Variants in POLA1 observed in about 807,000 individuals in gnomAD.
POLA1 encodes DNA polymerase alpha 1, catalytic subunit, also known as DNA polymerase alpha catalytic subunit.
POLA1 carries 15 observed loss-of-function variants against 124.0 expected under a neutral mutation model. That is an observed-to-expected ratio of 0.12 (90% confidence interval 0.08 to 0.19). POLA1 has a LOEUF of 0.19. Among genes scored for constraint, POLA1 ranks in the 10% least tolerant of loss-of-function variants. POLA1 has a pLI of 1.00. For synonymous variants in POLA1, 408 were observed against 389.4 expected (o/e 1.05, Z -0.56); for missense variants, 886 against 1,103.4 (o/e 0.80, Z 2.79).
chrX:24,933,262 G>A (rs1482272200), intron 36 of POLA1, among the ~76,000 whole-genome samples: 1 of 111,617 alleles, frequency 9.0e-6, no homozygotes, highest in Non-Finnish European at 1.9e-5. Context: ...GTAGAGAGGA[G>A]AACAATTATA....
chrX:24,928,079 G>A (rs978012475), intron 35 of POLA1, among the ~76,000 whole-genome samples: 5 of 111,996 alleles, frequency 4.5e-5, no homozygotes, highest in African/African-American at 1.6e-4. Flanking sequence ...ATGTAATAGG[G>A]CCTTTTGTTT....
intron 35 of POLA1, among the ~76,000 whole-genome samples, chrX:24,920,102 C>G (rs1285951391): frequency 9.1e-6 from 1 of 110,009 alleles, no homozygotes; most frequent in Non-Finnish European, 1.9e-5. Context: ...CCGCCTTGGC[C>G]TCCCAAAGTG....
intron 35 of POLA1, among the ~76,000 whole-genome samples, chrX:24,910,118 A>T (rs1355652718): frequency 9.5e-6 from 1 of 105,761 alleles, no homozygotes; most frequent in Non-Finnish European, 2.0e-5. Flanking sequence ...GTTGCTTATC[A>T]GCTTAAGGAG....
rs761318896 is a variant in POLA1 at position 24,699,466 on chromosome X, C to G, written c.85C>G (p.Arg29Gly). The part of the protein sequence containing the change: ...SGSFVSSRAR[R>G]EKKSKKGRQE... ...GAGTTTTGTATCTTCTCGAGCCCGGCGAGAAAAAAAATCAAAGAAGGGGCG... is the reference window on the plus strand; with the variant it reads ...GAGTTTTGTATCTTCTCGAGCCCGGGGAGAAAAAAAATCAAAGAAGGGGCG... Residue 29 changes from arginine (R) to glycine (G), a missense_variant, in exon 2 of 37, where the codon CGA (arginine) becomes GGA (glycine). By Grantham distance (125) the Arg-to-Gly change is moderately radical. Transcript: ENST00000379068. 1.7e-6 allele frequency: 2 copies of G among 1,173,869 alleles called. No individual in the cohort carries two copies. Among genetic ancestry groups the G allele is most frequent in the East Asian group, 3.0e-5 (1 of 33,028 alleles).
Position 24,741,236 on chromosome X carries a change from A to G in POLA1, c.2217-139A>G, listed in dbSNP as rs1931638312. ...CTAGTTACATACTGACCTTATTTTA[A>G]ATTGTTTCTGAAGCCAAGGTGCTGT... On this transcript the variant is annotated intron_variant, in intron 20 of 36. Transcript: ENST00000379068. The G allele has an allele frequency of 9.5e-6, 4 of 422,698 alleles. No individual in the cohort carries two copies. In the South Asian group the frequency reaches 1.7e-4, roughly 18 times the overall value. The allele number at this position is 422,698 out of a possible 1,213,427, so 34.8% of individuals were successfully genotyped here. A position where few individuals can be genotyped will look rare whatever the true frequency, so the allele number is the denominator to read the frequency against.
At chrX:24,754,432 T>C (rs1299716927) in intron 26 of POLA1, among the ~76,000 whole-genome samples, 1 of 110,059 alleles carries the variant, frequency 9.1e-6, no homozygotes, top group Non-Finnish European at 1.9e-5. Flanking sequence ...TAATTTTGTA[T>C]TTTTAATAGA....
chrX:24,760,846 T>G (rs944444090), intron 26 of POLA1, among the ~76,000 whole-genome samples: 2 of 111,926 alleles, frequency 1.8e-5, no homozygotes, highest in African/African-American at 6.5e-5. Flanking sequence ...CAGGGATTCC[T>G]GAGCCCTGTG....
At chrX:24,822,474 A>G (rs1212527934) in intron 31 of POLA1, among the ~76,000 whole-genome samples, 1 of 112,853 alleles carries the variant, frequency 8.9e-6, no homozygotes, top group Non-Finnish European at 1.9e-5. Context: ...TATGATTGAT[A>G]TTTGTCAAAC....
intron 30 of POLA1, 68 bp downstream of exon 30, chrX:24,815,179 A>C (rs755670465): frequency 1.2e-4 from 117 of 954,517 alleles, no homozygotes; most frequent in Non-Finnish European, 1.6e-4. Flanking sequence ...AGATAGTTGA[A>C]GAACCACCTC....
chrX:24,987,173 G>A (rs750527634), intron 36 of POLA1, among the ~76,000 whole-genome samples: 229 of 111,928 alleles, frequency 2.0e-3, no homozygotes, highest in Non-Finnish European at 3.7e-3. Context: ...TGAGGAACTG[G>A]GGCCTCAGTT....
chrX:24,822,299 AT>A (rs1372291153), intron 31 of POLA1, among the ~76,000 whole-genome samples: 1 of 112,311 alleles, frequency 8.9e-6, no homozygotes, highest in East Asian at 2.8e-4. Flanking sequence ...GGGTCATAGC[AT>A]TTATCCAAAT....
chrX:24,946,916 A>G (rs780899914), intron 36 of POLA1, among the ~76,000 whole-genome samples: 15 of 111,859 alleles, frequency 1.3e-4, no homozygotes, highest in Non-Finnish European at 2.6e-4. Flanking sequence ...CCATGTATGT[A>G]TACATTCATC....
intron 20 of POLA1, among the ~76,000 whole-genome samples, chrX:24,741,063 T>C (rs1931606334): frequency 9.1e-6 from 1 of 109,762 alleles, no homozygotes; most frequent in Non-Finnish European, 1.9e-5. Context: ...AGGATTTAGG[T>C]AGTTTTCAGG....
intron 36 of POLA1, among the ~76,000 whole-genome samples, chrX:24,943,485 A>G (rs2047929544): frequency 8.9e-6 from 1 of 112,456 alleles, no homozygotes; most frequent in Non-Finnish European, 1.9e-5. Flanking sequence ...TAATTCTTCA[A>G]GTTTACTGGT....
chrX:24,892,557 G>C (rs1483162406), intron 35 of POLA1, among the ~76,000 whole-genome samples: 1 of 112,064 alleles, frequency 8.9e-6, no homozygotes, highest in Non-Finnish European at 1.9e-5. Context: ...GTATGGATGT[G>C]TATGGAATCC....
At chrX:24,910,733 C>T (rs1000383078) in intron 35 of POLA1, among the ~76,000 whole-genome samples, 12 of 111,181 alleles carry the variant, frequency 1.1e-4, no homozygotes, top group South Asian at 3.8e-4. Context: ...CACCTAACAA[C>T]GGAGGTTCAG....
At position 24,754,367 on chromosome X, in the gene POLA1, C is replaced by T. The variant is rs868618516; in HGVS notation, c.2964+5375C>T. Among the ~76,000 whole-genome samples the T allele has an allele frequency of 2.0e-4, 22 of 109,548 alleles. No individual in the cohort carries two copies. The Middle Eastern group carries it at 0.014, about 69-fold the overall frequency. On this transcript the variant is annotated intron_variant, in intron 26 of 36. Transcript: ENST00000379068. ...CCACCTCCCGGGTTCAAGCGATTCT[C>T]CTGCCTCAGCCTCCCAAGTAGCTGG...
intron 20 of POLA1, among the ~76,000 whole-genome samples, chrX:24,739,832 A>T (rs1345479498): frequency 1.8e-5 from 2 of 112,314 alleles, no homozygotes; most frequent in Non-Finnish European, 3.8e-5. Context: ...ATTAGGGTAG[A>T]TATTTTAGAA....
intron 36 of POLA1, among the ~76,000 whole-genome samples, chrX:24,975,168 C>T (rs768396214): frequency 4.5e-5 from 5 of 111,937 alleles, no homozygotes; most frequent in East Asian, 2.8e-4. Context: ...TGCGCCACCA[C>T]GCCTGGCTAA....
Sources: gnomAD v4.1 joint callset for allele counts (sites outside exome capture counted in the v4.1 genomes callset) on GRCh38, gnomAD v4.1.1 for gene constraint, MANE v1.5 for transcripts, NCBI Gene and HGNC (gene_info 2026-07-23, HGNC 2026-07-21) for gene names.